The following ALMS1 variants were observed in gnomAD, a reference collection of about 807,000 sequenced individuals.
The protein encoded by ALMS1 is centrosome-associated protein ALMS1.
A neutral mutation model predicts 352.2 loss-of-function variants in ALMS1; 271 were observed. The ratio of observed to expected loss-of-function variants is 0.77; its 90% confidence interval spans 0.70 to 0.85. The LOEUF (loss-of-function observed/expected upper bound fraction) is 0.85. Ranked by LOEUF, ALMS1 falls within the 40% of genes least tolerant of loss-of-function variation. ALMS1 has a pLI of 0.00. For synonymous variants in ALMS1, 1,865 were observed against 1,761.2 expected, an observed-to-expected ratio of 1.06 and a Z score of -1.48; for missense variants, 5,445 against 4,870.7, an observed-to-expected ratio of 1.12 and a Z score of -3.51.
At chr2:73,587,603 A>G (rs1675339371) in intron 16 of ALMS1, among the ~76,000 whole-genome samples, 2 of 152,212 alleles carry the variant, frequency 1.3e-5, no homozygotes, top group Non-Finnish European at 2.9e-5. Flanking sequence ...ATGTTAAGCC[A>G]TCCCTGCATC....
chr2:73,425,257 G>T (rs1671357495), intron 5 of ALMS1, among the ~76,000 whole-genome samples: 1 of 152,150 alleles, frequency 6.6e-6, no homozygotes, highest in African/African-American at 2.4e-5. Flanking sequence ...GGTTATGAAA[G>T]AAATGAAGAA....
intron 1 of ALMS1, among the ~76,000 whole-genome samples, chr2:73,390,697 C>G (rs887456135): frequency 6.6e-6 from 1 of 152,074 alleles, no homozygotes; most frequent in African/African-American, 2.4e-5. Flanking sequence ...TAATTCAGTT[C>G]TCTGGGTTGG....
At position 73,432,281 on chromosome 2, in the gene ALMS1, T is replaced by C. The variant is rs757050699; in HGVS notation, c.1422T>C (p.His474=). ...SPDTVPKAPK[H]LKAGDTSKGG... Reference sequence around the variant, plus strand: ...ACACTGTGCCAAAGGCTCCTAAACATTTAAAAGCAGGTACGTAGAAAAAGG... The same window carrying C: ...ACACTGTGCCAAAGGCTCCTAAACACTTAAAAGCAGGTACGTAGAAAAAGG... Residue 474 remains histidine, a synonymous_variant, in exon 7 of 23, where the codon CAT becomes CAC. Coordinates refer to ENST00000613296, the MANE Select transcript of ALMS1 (RefSeq NM_001378454.1). 1 of 1,610,238 alleles carries C rather than the reference T, an allele frequency of 6.2e-7. No individual in the cohort carries two copies. The highest frequency in any genetic ancestry group is 8.5e-7 in the Non-Finnish European group (1 of 1,176,624).
At chr2:73,594,950 C>T (rs545967078) in intron 16 of ALMS1, among the ~76,000 whole-genome samples, 34 of 152,284 alleles carry the variant, frequency 2.2e-4, no homozygotes, top group Non-Finnish European at 3.7e-4. Context: ...GTAGTGAGAG[C>T]GTATTGACCA....
rs1216373008 is a variant in ALMS1 at position 73,534,847 on chromosome 2, A to T, written c.9805A>T (p.Lys3269Ter). 1 of 1,613,604 alleles carries T rather than the reference A, an allele frequency of 6.2e-7. No individual in the cohort carries two copies. The highest frequency in any genetic ancestry group is 1.7e-5 in the Admixed American group (1 of 60,016). ...AGGCCAGCCTTTATTATTGCCATATAAGCCTTCTGGTAGTACCAAGATGTA... is the reference window on the plus strand; with the variant it reads ...AGGCCAGCCTTTATTATTGCCATATTAGCCTTCTGGTAGTACCAAGATGTA... ...TDGQPLLLPY[K>*]PSGSTKMYYV... is the part of the protein sequence containing the mutation. Residue 3269 changes from lysine to a stop codon, truncating the protein, a stop_gained, in exon 12 of 23, where the codon AAG (lysine) becomes TAG (stop). Coordinates refer to ENST00000613296, the MANE Select transcript of ALMS1 (RefSeq NM_001378454.1). LOFTEE classifies it high-confidence loss of function.
chr2:73,396,332 A>ACACACACG (rs1670760811), intron 1 of ALMS1, among the ~76,000 whole-genome samples: 1 of 152,152 alleles, frequency 6.6e-6, no homozygotes, highest in South Asian at 2.1e-4. Flanking sequence ...ACACACACAC[A>ACACACACG]CACACACGCT....
chr2:73,425,039 G>A (rs942071043), intron 5 of ALMS1, 137 bp downstream of exon 5: 86 of 642,486 alleles, frequency 1.3e-4, no homozygotes, highest in Non-Finnish European at 7.1e-5. Flanking sequence ...ACCCAGAAAC[G>A]TGTGTAATCA....
Position 73,519,756 on chromosome 2 carries a change from C to G in ALMS1, c.9540-19C>G, listed in dbSNP as rs1320066782. The G allele has an allele frequency of 1.2e-6, 2 of 1,613,694 alleles. No individual in the cohort carries two copies. Among genetic ancestry groups the G allele is most frequent in the African/African-American group, 1.3e-5 (1 of 74,924 alleles). On this transcript the variant is annotated intron_variant, in intron 10 of 22. Transcript: ENST00000613296. ...GGCCAAGGATATAATCTGCTGTATTCTTTCTCTTTTTTGGTCAGATTACCA... is the reference window on the plus strand; with the variant it reads ...GGCCAAGGATATAATCTGCTGTATTGTTTCTCTTTTTTGGTCAGATTACCA...
Position 73,513,911 on chromosome 2 carries a change from G to A in ALMS1, c.9540-5864G>A, listed in dbSNP as rs376495006. 9.7e-4 allele frequency among the ~76,000 whole-genome samples: 148 copies of A among 152,174 alleles called. 2 individuals are homozygous for A. The highest frequency in any genetic ancestry group is 3.1e-3 in the African/African-American group (130 of 41,528). The stretch of plus-strand genomic sequence containing the variant: ...AGATTCTGATACCTTGCTCTGGCCC[G>A]TTGTCACTCCATTTGCTACAGATTC... On this transcript the variant is annotated intron_variant, in intron 10 of 22. Transcript: ENST00000613296.
intron 12 of ALMS1, among the ~76,000 whole-genome samples, chr2:73,540,983 G>A (rs1223104515): frequency 6.6e-6 from 1 of 152,160 alleles, no homozygotes; most frequent in Non-Finnish European, 1.5e-5. Flanking sequence ...AGTTAACAAG[G>A]CTATCCAGGA....
Position 73,453,611 on chromosome 2 carries a change from C to A in ALMS1, c.7084C>A (p.Pro2362Thr). 6.2e-7 allele frequency: 1 copy of A among 1,613,942 alleles called. No individual in the cohort carries two copies. The highest frequency in any genetic ancestry group is 8.5e-7 in the Non-Finnish European group (1 of 1,179,988). Residue 2362 changes from proline (P) to threonine (T), a missense_variant, in exon 8 of 23, where the codon CCT becomes ACT. Pro to Thr is a conservative substitution (Grantham distance 38, BLOSUM62 -1). Coordinates refer to ENST00000613296, the MANE Select transcript of ALMS1 (RefSeq NM_001378454.1). ...EFISSTTVRSPLQEAESKVSM... is the reference protein window; with the variant it reads ...EFISSTTVRSTLQEAESKVSM... ...TATTAGTTCAACTACAGTTAGAAGTCCTCTACAGGAAGCAGAGAGCAAAGT... is the reference window on the plus strand; with the variant it reads ...TATTAGTTCAACTACAGTTAGAAGTACTCTACAGGAAGCAGAGAGCAAAGT...
At position 73,449,132 on chromosome 2, in the gene ALMS1, GCTTT is replaced by G; in HGVS notation, c.2608_2611del (p.Phe870IlefsTer10). ...CTCTTCACTTGGAGAAAAGCCCAGT[GCTTT>G]CTATCAGCAGACCTTACCCAATAGT... is the stretch of plus-strand genomic sequence containing the variant. On this transcript the variant is annotated frameshift_variant, in exon 8 of 23. Coordinates refer to ENST00000613296, the MANE Select transcript of ALMS1 (RefSeq NM_001378454.1). LOFTEE classifies it high-confidence loss of function. 1 of 1,613,944 alleles carries G rather than the reference GCTTT, an allele frequency of 6.2e-7. No homozygotes were observed. The highest frequency in any genetic ancestry group is 8.5e-7 in the Non-Finnish European group (1 of 1,179,956).
chr2:73,425,717 A>G (rs948674355), intron 5 of ALMS1, among the ~76,000 whole-genome samples: 1 of 152,194 alleles, frequency 6.6e-6, no homozygotes, highest in African/African-American at 2.4e-5. Flanking sequence ...TCTCCATTAA[A>G]TTATAATGAT....
intron 1 of ALMS1, among the ~76,000 whole-genome samples, chr2:73,397,808 T>C (rs1244972214): frequency 2.6e-5 from 4 of 152,214 alleles, no homozygotes; most frequent in East Asian, 1.9e-4. Flanking sequence ...CACAGCCACA[T>C]TGAATGGGCA....
intron 1 of ALMS1, among the ~76,000 whole-genome samples, chr2:73,392,167 TTC>T (rs1330492218): frequency 6.6e-6 from 1 of 151,906 alleles, no homozygotes; most frequent in African/African-American, 2.4e-5. Context: ...TGATTTAAGT[TTC>T]TGTTGCTGTT....
chr2:73,454,708 T>A (rs1175507310), intron 8 of ALMS1, among the ~76,000 whole-genome samples: 1 of 152,168 alleles, frequency 6.6e-6, no homozygotes, highest in Non-Finnish European at 1.5e-5. Context: ...GGGAGGCAAT[T>A]TAAAAGCAAT....
intron 16 of ALMS1, among the ~76,000 whole-genome samples, chr2:73,589,661 T>C (rs1675383986): frequency 6.6e-6 from 1 of 152,226 alleles, no homozygotes; most frequent in Non-Finnish European, 1.5e-5. Flanking sequence ...TCTGCCTACA[T>C]TGCTGTAAGT....
At position 73,452,200 on chromosome 2, in the gene ALMS1, A is replaced by C. The variant is rs1572936907; in HGVS notation, c.5673A>C (p.Ala1891=). The change falls in exon 8 of 23, where the codon GCA becomes GCC. Residue 1891 remains alanine, a synonymous_variant. Transcript: ENST00000613296. ...ACCAGAAGACTGGGATACAAATAGC[A>C]TCCTCTAGTTCCTACTCAAATAGAG... ...PADQKTGIQI[A]SSSSYSNREK... 7 of 1,614,108 alleles carry C rather than the reference A, an allele frequency of 4.3e-6. No individual in the cohort carries two copies. The highest frequency in any genetic ancestry group is 5.1e-6 in the Non-Finnish European group (6 of 1,180,008).
In ALMS1 at chr2:73,448,928, A is replaced by G; in HGVS notation, c.2401A>G (p.Thr801Ala). ...SAVAGPADQK[T>A]GLPTVPSSAY... ...TGTTGCTGGACCAGCTGACCAGAAG[A>G]CTGGCCTACCAACAGTACCCTCTAG... is the stretch of plus-strand genomic sequence containing the variant. The change falls in exon 8 of 23, where the codon ACT becomes GCT. Residue 801 changes from threonine (T) to alanine (A), a missense_variant. By Grantham distance (58) the Thr-to-Ala change is moderately conservative. Transcript: ENST00000613296. 6.2e-7 allele frequency: 1 copy of G among 1,614,158 alleles called. No homozygotes were observed. The highest frequency in any genetic ancestry group is 1.3e-5 in the African/African-American group (1 of 75,050).
Sources: allele counts gnomAD v4.1 joint callset (sites outside exome capture counted in the v4.1 genomes callset), GRCh38; gene constraint gnomAD v4.1.1; transcripts MANE v1.5; gene names NCBI Gene and HGNC (gene_info 2026-07-23, HGNC 2026-07-21).